MARCHF7: variants seen among roughly 807,000 people sequenced by gnomAD.
MARCHF7 encodes the protein E3 ubiquitin-protein ligase MARCHF7.
Under a neutral mutation model 76.5 loss-of-function variants are expected in MARCHF7, and 20 were observed. That is an observed-to-expected ratio of 0.26 (90% CI 0.18 to 0.38). MARCHF7 has a LOEUF of 0.38. Ranked by LOEUF, MARCHF7 falls within the 10% of genes least tolerant of loss-of-function variation. MARCHF7 has a pLI of 1.00. For synonymous variants in MARCHF7, 295 were observed against 293.0 expected (o/e 1.01, Z -0.07); for missense variants, 797 against 812.9 (o/e 0.98, Z 0.24).
chr2:159,746,148 C>G (rs749534521), intron 6 of MARCHF7, among the ~76,000 whole-genome samples: 2 of 152,066 alleles, frequency 1.3e-5, no homozygotes, highest in Non-Finnish European at 2.9e-5. Flanking sequence ...ATTCCATCTA[C>G]CTTTACGTTG....
intron 1 of MARCHF7, among the ~76,000 whole-genome samples, chr2:159,713,636 G>A (rs1700592209): frequency 6.6e-6 from 1 of 152,190 alleles, no homozygotes; most frequent in Non-Finnish European, 1.5e-5. Flanking sequence ...AGGCACACAT[G>A]TAGTGTAACT....
At chr2:159,713,211 C>T (rs1428053609) in intron 1 of MARCHF7, among the ~76,000 whole-genome samples, 1 of 152,192 alleles carries the variant, frequency 6.6e-6, no homozygotes, top group African/African-American at 2.4e-5. Context: ...GTGGGTTCTG[C>T]AACTCGAAGT....
intron 3 of MARCHF7, among the ~76,000 whole-genome samples, chr2:159,722,558 C>T (rs1701751328): frequency 6.6e-6 from 1 of 152,192 alleles, no homozygotes; most frequent in African/African-American, 2.4e-5. Context: ...TGTCCCCCTA[C>T]CTCATTCGCT....
intron 3 of MARCHF7, among the ~76,000 whole-genome samples, chr2:159,717,212 A>G (rs1701133654): frequency 6.6e-6 from 1 of 152,204 alleles, no homozygotes; most frequent in Non-Finnish European, 1.5e-5. Context: ...TAGTCACACA[A>G]GACTGGGGTG....
chr2:159,759,359 G>GT, intron 9 of MARCHF7, 24 bp downstream of exon 9: 1 of 1,302,080 alleles, frequency 7.7e-7, no homozygotes, highest in Non-Finnish European at 1.1e-6. Context: ...GCCTAATTTG[G>GT]TAAGTGTCTA....
chr2:159,739,629 CTT>C (rs1227322952), intron 4 of MARCHF7, among the ~76,000 whole-genome samples: 17 of 152,104 alleles, frequency 1.1e-4, no homozygotes, highest in Admixed American at 1.1e-3. Context: ...GAATCTGACA[CTT>C]TATTTAATTG....
chr2:159,740,190 A>C (rs1253015175), intron 4 of MARCHF7, among the ~76,000 whole-genome samples: 2 of 151,958 alleles, frequency 1.3e-5, no homozygotes, highest in African/African-American at 4.8e-5. Flanking sequence ...CTGTTCATCT[A>C]TTTCGTCTTC....
At chr2:159,765,086 C>G (rs1707604800) in intron 11 of MARCHF7, among the ~76,000 whole-genome samples, 1 of 151,912 alleles carries the variant, frequency 6.6e-6, no homozygotes, top group Non-Finnish European at 1.5e-5. Context: ...GAGATTATTC[C>G]TGGGCTTACC....
At position 159,729,091 on chromosome 2, in the gene MARCHF7, G is replaced by T; in HGVS notation, c.69G>T (p.Arg23Ser). The T allele has an allele frequency of 6.2e-7, 1 of 1,612,224 alleles. No homozygotes were observed. The highest frequency in any genetic ancestry group is 1.1e-5 in the South Asian group (1 of 90,832). Residue 23 changes from arginine (R) to serine (S), a missense_variant, in exon 4 of 12, where the codon AGG (arginine) becomes AGT (serine). This residue lies in a region of MARCHF7 where 643 missense variants were observed against 631.5 expected (regional missense o/e 1.02). Transcript: ENST00000409175. The part of the protein sequence containing the change: ...SVQPSSSLSA[R>S]MMSGSRGSSL... ...AACCTTCCAGCTCCTTAAGTGCTAG[G>T]ATGATGTCTGGAAGCAGAGGAAGTA...
chr2:159,747,358 T>C (rs1210681838), intron 6 of MARCHF7, among the ~76,000 whole-genome samples: 1 of 152,190 alleles, frequency 6.6e-6, no homozygotes, highest in African/African-American at 2.4e-5. Flanking sequence ...TTTTAATTTA[T>C]TGCACAGAGT....
rs144049884 is a variant in MARCHF7 at position 159,735,184 on chromosome 2, A to G, written c.153+6009A>G. Among the ~76,000 whole-genome samples, 16 of 152,320 alleles carry G rather than the reference A, an allele frequency of 1.1e-4. No homozygotes were observed. In the East Asian group the frequency reaches 2.9e-3, roughly 28 times the overall value. ...GTAATGTTGTTCTGGAAGTCTTTCA[A>G]AGCAGGATTTATTCACTTCACAGTC... On this transcript the variant is annotated intron_variant, in intron 4 of 11. Coordinates refer to ENST00000409175, the MANE Select transcript of MARCHF7 (RefSeq NM_001282805.2).
chr2:159,751,627 C>T (rs904222655), intron 7 of MARCHF7, among the ~76,000 whole-genome samples: 1 of 152,152 alleles, frequency 6.6e-6, no homozygotes, highest in Non-Finnish European at 1.5e-5. Flanking sequence ...AACAGTTCAG[C>T]ATTCTGTATT....
At position 159,767,459 on chromosome 2, in the gene MARCHF7, G is replaced by C; in HGVS notation, c.*117G>C. 1.5e-6 allele frequency: 1 copy of C among 653,602 alleles called. No individual in the cohort carries two copies. The highest frequency in any genetic ancestry group is 2.6e-6 in the Non-Finnish European group (1 of 379,546). The allele number at this position is 653,602 out of a possible 1,614,324, so 40.5% of individuals were successfully genotyped here. ...TAAATACATTGACTATATATAAAAT[G>C]AATATATACATACACATGTATGCCT... On this transcript the variant is annotated 3_prime_UTR_variant, in exon 12 of 12. Transcript: ENST00000409175.
At chr2:159,749,581 C>T (rs1705360956) in intron 7 of MARCHF7, among the ~76,000 whole-genome samples, 1 of 152,002 alleles carries the variant, frequency 6.6e-6, no homozygotes, top group African/African-American at 2.4e-5. Flanking sequence ...CTCCTGACCT[C>T]AAATGATCCA....
In MARCHF7 at chr2:159,757,384, A is replaced by G. The variant is rs573905353; in HGVS notation, c.1784-1842A>G. Reference sequence around the variant, plus strand: ...TTTAAGCATTTATTAAGAAGCTACTATGTTTGGATTGCTAAAGTCTACAGG... The same window carrying G: ...TTTAAGCATTTATTAAGAAGCTACTGTGTTTGGATTGCTAAAGTCTACAGG... On this transcript the variant is annotated intron_variant, in intron 8 of 11. Transcript: ENST00000409175. Among the ~76,000 whole-genome samples, 45 of 152,338 alleles carry G rather than the reference A, an allele frequency of 3.0e-4. No individual in the cohort carries two copies. In the South Asian group the frequency reaches 8.7e-3, roughly 29 times the overall value.
At chr2:159,764,263 C>CGCGCGCG (rs1553788093) in intron 10 of MARCHF7, among the ~76,000 whole-genome samples, 15 of 142,200 alleles carry the variant, frequency 1.1e-4, no homozygotes, top group Non-Finnish European at 1.5e-4. Context: ...TGTGCGCGCG[C>CGCGCGCG]CCACTGAAAC....
chr2:159,753,538 G>A (rs1209347705), intron 8 of MARCHF7, among the ~76,000 whole-genome samples: 6 of 143,574 alleles, frequency 4.2e-5, no homozygotes, highest in Non-Finnish European at 9.2e-5. Context: ...GCAACAGAGC[G>A]AGACTCCATG....
chr2:159,716,826 A>C (rs1054253374), intron 3 of MARCHF7, among the ~76,000 whole-genome samples: 13 of 152,340 alleles, frequency 8.5e-5, no homozygotes, highest in African/African-American at 2.9e-4. Flanking sequence ...CTGCAGGCAT[A>C]AGATAATGGT....
In MARCHF7 at chr2:159,759,327, A is replaced by T; in HGVS notation, c.1885A>T (p.Asn629Tyr). ...DIHELHRAHA[N>Y]EQAEYEFISS... ...TCATGAACTACATAGAGCTCATGCAAATGAACAAGTTAGTATATTTTGCCT... is the reference window on the plus strand; with the variant it reads ...TCATGAACTACATAGAGCTCATGCATATGAACAAGTTAGTATATTTTGCCT... Residue 629 changes from asparagine (N) to tyrosine (Y), a missense_variant, in exon 9 of 12, where the codon AAT becomes TAT. This residue lies in a region of MARCHF7 where 124 missense variants were observed against 121.3 expected (regional missense o/e 1.02). Transcript: ENST00000409175. 1 of 1,587,290 alleles carries T rather than the reference A, an allele frequency of 6.3e-7. No homozygotes were observed. Among genetic ancestry groups the T allele is most frequent in the Non-Finnish European group, 8.6e-7 (1 of 1,158,592 alleles).
Sources: allele counts gnomAD v4.1 joint callset (sites outside exome capture counted in the v4.1 genomes callset), GRCh38; gene constraint gnomAD v4.1.1; regional missense constraint gnomAD v4.1.1; transcripts MANE v1.5; gene names NCBI Gene and HGNC (gene_info 2026-07-23, HGNC 2026-07-21).